The following KDSR variants were observed in gnomAD, a reference collection of about 807,000 sequenced individuals.
The protein encoded by KDSR is 3-dehydrosphinganine reductase.
In KDSR, 23 loss-of-function variants were observed where a neutral mutation model predicts 41.3. The observed-to-expected ratio is 0.56, with a 90% CI of 0.40 to 0.79. KDSR has a LOEUF of 0.79. KDSR is among the 30% of genes least tolerant of loss of function. The probability of loss-of-function intolerance (pLI) is 0.00; values close to 1 mark genes in which losing one functional copy is unlikely to be tolerated. For synonymous variants in KDSR, 138 were observed against 151.7 expected, an observed-to-expected ratio of 0.91 and a Z score of 0.66; for missense variants, 351 against 416.8, an observed-to-expected ratio of 0.84 and a Z score of 1.37.
rs6810 is a variant in KDSR at position 63,331,168 on chromosome 18, A to G, written c.*614T>C. ...AGAGAAGCCATGAGTTTCCACCAGC[A>G]GCAGAGTGAGTCCTGAGCACAACAC... is the stretch of plus-strand genomic sequence containing the variant. On this transcript the variant is annotated 3_prime_UTR_variant, in exon 10 of 10. Transcript: ENST00000645214. The G allele has an allele frequency of 0.33, 76,844 of 232,950 alleles. 15,330 individuals carry two copies. The highest frequency in any genetic ancestry group is 0.43 in the Non-Finnish European group (51,122 of 117,988). The allele number at this position is 232,950 out of a possible 1,614,324, so 14.4% of individuals were successfully genotyped here. A position where few individuals can be genotyped will look rare whatever the true frequency, so the allele number is the denominator to read the frequency against.
chr18:63,334,645 G>A (rs555878550), intron 9 of KDSR, among the ~76,000 whole-genome samples: 20 of 152,272 alleles, frequency 1.3e-4, no homozygotes, highest in African/African-American at 3.9e-4. Flanking sequence ...CACCGCGCCC[G>A]GACTACTATC....
intron 2 of KDSR, among the ~76,000 whole-genome samples, chr18:63,360,477 T>G (rs1914927613): frequency 6.6e-6 from 1 of 152,210 alleles, no homozygotes; most frequent in Non-Finnish European, 1.5e-5. Context: ...CCAAAAGGCA[T>G]GCAGAGTTTC....
intron 1 of KDSR, among the ~76,000 whole-genome samples, chr18:63,364,955 T>C (rs561211266): frequency 1.1e-4 from 17 of 152,252 alleles, no homozygotes; most frequent in Non-Finnish European, 2.4e-4. Flanking sequence ...TAAATCATGC[T>C]GGGAGGAAGA....
chr18:63,351,176 G>T, intron 5 of KDSR, 97 bp from the exon 6 acceptor site: 1 of 977,522 alleles, frequency 1.0e-6, no homozygotes, highest in Non-Finnish European at 1.5e-6. Flanking sequence ...TTCAATGCAA[G>T]CTCAAGTGAC....
At chr18:63,332,885 T>C (rs1478548281) in intron 9 of KDSR, among the ~76,000 whole-genome samples, 1 of 148,228 alleles carries the variant, frequency 6.7e-6, no homozygotes, top group Non-Finnish European at 1.5e-5. Flanking sequence ...TTTTTTTCCC[T>C]ACACCCTCAG....
In KDSR at chr18:63,329,157, T is replaced by A. The variant is rs1913897595; in HGVS notation, c.*2625A>T. ...TTTGCCTTGTAATATTTTCATGTTT[T>A]GGATGAAGTCAGCCCATTATGTGAG... On this transcript the variant is annotated 3_prime_UTR_variant, in exon 10 of 10. Coordinates refer to ENST00000645214, the MANE Select transcript of KDSR (RefSeq NM_002035.4). The A allele has an allele frequency of 9.8e-6, 2 of 204,758 alleles. No individual in the cohort carries two copies. Among genetic ancestry groups the A allele is most frequent in the Admixed American group, 6.0e-5 (1 of 16,778 alleles). 12.7% of individuals were successfully genotyped at this position (204,758 alleles called of 1,614,324 possible).
At chr18:63,348,225 C>T (rs1914568869) in intron 6 of KDSR, among the ~76,000 whole-genome samples, 1 of 151,922 alleles carries the variant, frequency 6.6e-6, no homozygotes. Flanking sequence ...GGGAGGACTG[C>T]TTGGGCCCAG....
intron 3 of KDSR, among the ~76,000 whole-genome samples, chr18:63,357,597 T>TTTTTTTTTTTGAGA: frequency 6.9e-6 from 1 of 144,656 alleles, no homozygotes; most frequent in African/African-American, 2.5e-5. Flanking sequence ...TATATATATT[T>TTTTTTTTTTTGAGA]TTTTTTGAGA....
chr18:63,354,947 G>A (rs1036623342), intron 5 of KDSR, among the ~76,000 whole-genome samples: 1 of 152,218 alleles, frequency 6.6e-6, no homozygotes, highest in South Asian at 2.1e-4. Flanking sequence ...ACAGTAATCT[G>A]TGTCAGATTA....
intron 7 of KDSR, among the ~76,000 whole-genome samples, chr18:63,341,146 C>T (rs1914329511): frequency 6.6e-6 from 1 of 152,000 alleles, no homozygotes; most frequent in African/African-American, 2.4e-5. Flanking sequence ...GATCAACAGA[C>T]ATTTCAGGAA....
chr18:63,359,363 TTGC>T (rs1475628735), intron 3 of KDSR, among the ~76,000 whole-genome samples: 4 of 152,104 alleles, frequency 2.6e-5, no homozygotes, highest in African/African-American at 7.2e-5. Flanking sequence ...GATTATTAAT[TTGC>T]TATTATGTTT....
Position 63,367,114 on chromosome 18 carries a change from A to T in KDSR, c.5T>A (p.Leu2Gln). The change falls in exon 1 of 10, where the codon CTG becomes CAG. Residue 2 changes from leucine (L) to glutamine (Q), a missense_variant. Coordinates refer to ENST00000645214, the MANE Select transcript of KDSR (RefSeq NM_002035.4). MLLLAAAFLVAF... is the reference protein window; with the variant it reads MQLLAAAFLVAF... Reference sequence around the variant, plus strand: ...CACGAGGAAGGCGGCAGCCAGCAGCAGCATCGCTCCGCGGGGCCAGGGGCC... The same window carrying T: ...CACGAGGAAGGCGGCAGCCAGCAGCTGCATCGCTCCGCGGGGCCAGGGGCC... 9 of 1,326,456 alleles carry T rather than the reference A, an allele frequency of 6.8e-6. No homozygotes were observed. Among genetic ancestry groups the T allele is most frequent in the African/African-American group, 1.5e-5 (1 of 66,486 alleles). 82.2% of individuals were successfully genotyped at this position (1,326,456 alleles called of 1,614,324 possible).
At chr18:63,361,712 A>G (rs200566568) in intron 2 of KDSR, among the ~76,000 whole-genome samples, 2 of 151,972 alleles carry the variant, frequency 1.3e-5, no homozygotes, top group South Asian at 2.1e-4. Context: ...CTACTCAGGA[A>G]GCTAAGGCAG....
At chr18:63,363,219 C>T (rs28706251) in intron 1 of KDSR, among the ~76,000 whole-genome samples, 2,465 of 111,108 alleles carry the variant, frequency 0.022, 56 homozygotes, top group African/African-American at 0.076. Context: ...TTTTTTTTTT[C>T]TTTTTTTTTT....
chr18:63,328,117 G>A lies in KDSR; in HGVS notation c.*3665C>T, dbSNP rs1422193868. The stretch of plus-strand genomic sequence containing the variant: ...CAAAGAGTATGAATATTTAAAAGTG[G>A]CCTCAAGTGAGTAATACATGTTTAA... On this transcript the variant is annotated 3_prime_UTR_variant, in exon 10 of 10. Transcript: ENST00000645214. 1 of 188,838 alleles carries A rather than the reference G, an allele frequency of 5.3e-6. No homozygotes were observed. The highest frequency in any genetic ancestry group is 1.1e-5 in the Non-Finnish European group (1 of 89,978). 11.7% of individuals were successfully genotyped at this position (188,838 alleles called of 1,614,324 possible).
chr18:63,364,608 T>A, intron 1 of KDSR, among the ~76,000 whole-genome samples: 1 of 152,132 alleles, frequency 6.6e-6, no homozygotes, highest in East Asian at 1.9e-4. Flanking sequence ...CACGCCCAAC[T>A]AATTTTTGTA....
chr18:63,361,018 A>AATAT (rs61613475), intron 2 of KDSR, among the ~76,000 whole-genome samples: 2,728 of 18,034 alleles, frequency 0.15, 267 homozygotes, highest in African/African-American at 0.34. Context: ...ATATATATAA[A>AATAT]ATATATAATA....
In KDSR at chr18:63,329,520, C is replaced by A. The variant is rs1472282311; in HGVS notation, c.*2262G>T. On this transcript the variant is annotated 3_prime_UTR_variant, in exon 10 of 10. Transcript: ENST00000645214. ...CTAAGGGACTGTAGCCCTTTAACAT[C>A]TCTGACAAGGAAATTTCTTCTCTGA... 4.9e-6 allele frequency: 1 copy of A among 203,014 alleles called. No homozygotes were observed. The highest frequency in any genetic ancestry group is 1.0e-5 in the Non-Finnish European group (1 of 98,904). 12.6% of individuals were successfully genotyped at this position (203,014 alleles called of 1,614,324 possible).
intron 1 of KDSR, among the ~76,000 whole-genome samples, chr18:63,363,321 C>A (rs1915047425): frequency 7.1e-6 from 1 of 141,586 alleles, no homozygotes; most frequent in Non-Finnish European, 1.5e-5. Context: ...ACTGCACCCA[C>A]TAATGTGTCA....
Sources: allele counts gnomAD v4.1 joint callset (sites outside exome capture counted in the v4.1 genomes callset), GRCh38; gene constraint gnomAD v4.1.1; transcripts MANE v1.5; gene names NCBI Gene and HGNC (gene_info 2026-07-23, HGNC 2026-07-21).